P3H2: variants seen among roughly 807,000 people sequenced by gnomAD.
P3H2 encodes the protein leprecan-like 1.
P3H2 carries 80 observed loss-of-function variants against 87.0 expected under a neutral mutation model. That is an observed-to-expected ratio of 0.92 (90% CI 0.77 to 1.11). The LOEUF (loss-of-function observed/expected upper bound fraction) is 1.11, where lower values mean the gene tolerates loss of function less well. Among genes scored for constraint, P3H2 ranks in the 50% least tolerant of loss-of-function variants. P3H2 has a pLI of 0.00. For missense variants in P3H2, 1,001 were observed against 923.9 expected, an observed-to-expected ratio of 1.08 and a Z score of -1.08; for synonymous variants, 367 against 359.3, an observed-to-expected ratio of 1.02 and a Z score of -0.24.
chr3:189,983,292 T>C, intron 7 of P3H2, 152 bp from the exon 8 acceptor site: 1 of 630,564 alleles, frequency 1.6e-6, no homozygotes, highest in African/African-American at 1.8e-5. Flanking sequence ...TAAATGTCAC[T>C]GCCTCTAGTA....
chr3:190,072,605 G>C (rs1726739157), intron 1 of P3H2, among the ~76,000 whole-genome samples: 2 of 152,062 alleles, frequency 1.3e-5, no homozygotes, highest in Admixed American at 1.3e-4. Flanking sequence ...ATATTTATTA[G>C]TGCAAAACTG....
intron 1 of P3H2, among the ~76,000 whole-genome samples, chr3:190,056,259 C>T (rs1726150537): frequency 6.6e-6 from 1 of 152,134 alleles, no homozygotes; most frequent in Non-Finnish European, 1.5e-5. Flanking sequence ...GTCTGTTGTT[C>T]AAGTCATCCA....
At chr3:190,041,114 A>G (rs1415499692) in intron 1 of P3H2, among the ~76,000 whole-genome samples, 1 of 119,210 alleles carries the variant, frequency 8.4e-6, no homozygotes, top group Non-Finnish European at 1.8e-5. Flanking sequence ...TATACTATAT[A>G]TATATATATA....
chr3:189,983,932 G>T (rs1045514390), intron 7 of P3H2, among the ~76,000 whole-genome samples: 2 of 151,898 alleles, frequency 1.3e-5, no homozygotes, highest in African/African-American at 2.4e-5. Flanking sequence ...GAGCTTTCTT[G>T]GGGGAAGGGG....
At chr3:190,056,331 A>T (rs1726153470) in intron 1 of P3H2, among the ~76,000 whole-genome samples, 1 of 152,170 alleles carries the variant, frequency 6.6e-6, no homozygotes, top group African/African-American at 2.4e-5. Flanking sequence ...TGTCCCCCTG[A>T]TAGAGACCAC....
At chr3:190,039,786 T>G (rs935869778) in intron 1 of P3H2, among the ~76,000 whole-genome samples, 3 of 152,242 alleles carry the variant, frequency 2.0e-5, no homozygotes, top group African/African-American at 4.8e-5. Context: ...GATTTTCTAC[T>G]GATCATGAGG....
At chr3:190,112,577 T>C (rs1351494950) in intron 1 of P3H2, among the ~76,000 whole-genome samples, 1 of 152,198 alleles carries the variant, frequency 6.6e-6, no homozygotes, top group Non-Finnish European at 1.5e-5. Flanking sequence ...AGATGTACTT[T>C]CATTGTGTAG....
At chr3:190,121,570 G>C (rs1345604302), upstream of P3H2, 1 of 152,200 alleles carries the variant, frequency 6.6e-6, no homozygotes, top group Non-Finnish European at 1.5e-5. Flanking sequence ...TGTGTGTCCG[G>C]GCATTGGATC....
At chr3:190,032,325 T>C (rs1325755675) in intron 1 of P3H2, among the ~76,000 whole-genome samples, 1 of 152,222 alleles carries the variant, frequency 6.6e-6, no homozygotes, top group African/African-American at 2.4e-5. Flanking sequence ...TAAAATTTAC[T>C]ATATGAATTG....
intron 8 of P3H2, among the ~76,000 whole-genome samples, chr3:189,978,223 T>C (rs1723411587): frequency 6.6e-6 from 1 of 152,224 alleles, no homozygotes; most frequent in Admixed American, 6.5e-5. Flanking sequence ...TTTTCTCTTT[T>C]TCTACATTGA....
At chr3:190,065,208 T>C (rs1522932) in intron 1 of P3H2, among the ~76,000 whole-genome samples, 62,720 of 152,082 alleles carry the variant, frequency 0.41, 15,424 homozygotes, top group African/African-American at 0.71. Context: ...ACAATATTGT[T>C]CAGTCCTTTT....
chr3:190,122,234 G>A (rs956190829), upstream of P3H2: 1 of 151,528 alleles, frequency 6.6e-6, no homozygotes, highest in East Asian at 1.9e-4. Flanking sequence ...CATCAATCTA[G>A]GAATGAGAAA....
In P3H2 at chr3:189,994,285, T is replaced by C. The variant is rs776125972; in HGVS notation, c.634-2A>G. Reference sequence around the variant, plus strand: ...TTTAACTCCTGCATTGTAACTCTCCTGTAATGAAACAGACGGGAAAAAACA... The same window carrying C: ...TTTAACTCCTGCATTGTAACTCTCCCGTAATGAAACAGACGGGAAAAAACA... On this transcript the variant is annotated splice_acceptor_variant, in intron 2 of 14. Transcript: ENST00000319332. LOFTEE classifies it high-confidence loss of function. 3 of 1,603,108 alleles carry C rather than the reference T, an allele frequency of 1.9e-6. No individual in the cohort carries two copies. Among genetic ancestry groups the C allele is most frequent in the East Asian group, 2.2e-5 (1 of 44,722 alleles).
intron 8 of P3H2, among the ~76,000 whole-genome samples, chr3:189,978,908 A>C (rs2108913064): frequency 6.6e-6 from 1 of 152,330 alleles, no homozygotes; most frequent in East Asian, 1.9e-4. Flanking sequence ...AAGAAGATTT[A>C]GTCAAACAAG....
chr3:189,975,906 A>C (rs191914369), intron 8 of P3H2, among the ~76,000 whole-genome samples: 1 of 152,352 alleles, frequency 6.6e-6, no homozygotes, highest in East Asian at 1.9e-4. Context: ...AGTGCTGACA[A>C]ATTATTTTCA....
At chr3:190,041,689 C>T (rs1407498928) in intron 1 of P3H2, among the ~76,000 whole-genome samples, 1 of 152,156 alleles carries the variant, frequency 6.6e-6, no homozygotes, top group South Asian at 2.1e-4. Context: ...GCTAATTTCT[C>T]CCTATTACTT....
intron 1 of P3H2, among the ~76,000 whole-genome samples, chr3:190,074,377 G>A (rs1450020128): frequency 1.3e-5 from 2 of 151,970 alleles, no homozygotes; most frequent in African/African-American, 2.4e-5. Flanking sequence ...CGGGTACAGT[G>A]GCATGCACCT....
chr3:190,079,055 T>C (rs1215720618), intron 1 of P3H2, among the ~76,000 whole-genome samples: 1 of 152,156 alleles, frequency 6.6e-6, no homozygotes, highest in African/African-American at 2.4e-5. Context: ...ATAATCCATA[T>C]TTGAGCCAGG....
chr3:190,063,125 G>A (rs79555377), intron 1 of P3H2, among the ~76,000 whole-genome samples: 4,667 of 152,126 alleles, frequency 0.031, 233 homozygotes, highest in African/African-American at 0.11. Context: ...TTTAAATTTA[G>A]GAGTTCTACT....
Sources: gnomAD v4.1 joint callset for allele counts (sites outside exome capture counted in the v4.1 genomes callset) on GRCh38, gnomAD v4.1.1 for gene constraint, MANE v1.5 for transcripts, NCBI Gene and HGNC (gene_info 2026-07-23, HGNC 2026-07-21) for gene names.